The following WFIKKN2 variants were observed in gnomAD, a reference collection of about 807,000 sequenced individuals.
WFIKKN2 encodes the protein WAP, Kazal, immunoglobulin, Kunitz and NTR domain-containing protein 2.
Under a neutral mutation model 39.2 loss-of-function variants are expected in WFIKKN2, and 25 were observed. That is an observed-to-expected ratio of 0.64 (90% confidence interval 0.47 to 0.89). The LOEUF (loss-of-function observed/expected upper bound fraction) is 0.89, where lower values mean the gene tolerates loss of function less well. WFIKKN2 is among the 40% of genes least tolerant of loss of function. The probability of loss-of-function intolerance (pLI) is 0.00; values close to 1 mark genes in which losing one functional copy is unlikely to be tolerated. For synonymous variants in WFIKKN2, 345 were observed against 329.7 expected (o/e 1.05, Z -0.50); for missense variants, 770 against 811.7 (o/e 0.95, Z 0.62).
At position 50,839,871 on chromosome 17, in the gene WFIKKN2, C is replaced by G. The variant is rs2143296904; in HGVS notation, c.583C>G (p.Pro195Ala). 1.2e-6 allele frequency: 2 copies of G among 1,614,170 alleles called. No homozygotes were observed. The highest frequency in any genetic ancestry group is 2.2e-5 in the East Asian group (1 of 44,870). The part of the protein sequence containing the change: ...SPPPPETTMH[P>A]TTASPETPEL... ...CCCACCACCTGAGACCACCATGCACCCCACCACAGCCTCCCCAGAGACCCC... is the reference window on the plus strand; with the variant it reads ...CCCACCACCTGAGACCACCATGCACGCCACCACAGCCTCCCCAGAGACCCC... The change falls in exon 2 of 2, where the codon CCC becomes GCC. Residue 195 changes from proline to alanine, a missense_variant. Transcript: ENST00000311378.
Position 50,839,847 on chromosome 17 carries a change from C to T in WFIKKN2, c.559C>T (p.Pro187Ser). Residue 187 changes from proline (P) to serine (S), a missense_variant, in exon 2 of 2, where the codon CCA becomes TCA. By Grantham distance (74) the Pro-to-Ser change is moderately conservative. Coordinates refer to ENST00000311378, the MANE Select transcript of WFIKKN2 (RefSeq NM_175575.6). ...YHFTWPNTSP[P>S]PPETTMHPTT... ...CTTCACCTGGCCCAACACCAGCCCC[C>T]CACCACCTGAGACCACCATGCACCC... 1 of 1,614,198 alleles carries T rather than the reference C, an allele frequency of 6.2e-7. No individual in the cohort carries two copies. The highest frequency in any genetic ancestry group is 8.5e-7 in the Non-Finnish European group (1 of 1,180,028).
intron 1 of WFIKKN2, among the ~76,000 whole-genome samples, chr17:50,836,553 C>T (rs7215311): frequency 0.56 from 41,296 of 74,314 alleles, 11,326 homozygotes; most frequent in South Asian, 0.64. Context: ...GAGTGTGAGG[C>T]GGACCAGGTG....
rs1041760944 is a variant in WFIKKN2 at position 50,839,945 on chromosome 17, G to T, written c.657G>T (p.Gln219His). The T allele has an allele frequency of 1.2e-6, 2 of 1,614,154 alleles. No individual in the cohort carries two copies. Among genetic ancestry groups the T allele is most frequent in the Admixed American group, 3.3e-5 (2 of 60,020 alleles). Residue 219 changes from glutamine (Q) to histidine (H), a missense_variant, in exon 2 of 2, where the codon CAG (glutamine) becomes CAT (histidine). Coordinates refer to ENST00000311378, the MANE Select transcript of WFIKKN2 (RefSeq NM_175575.6). ...CGCTGCTCAACAACCCTGTGCACCAGTCGGTCACCATGGGTGAGACAGTGA... is the reference window on the plus strand; with the variant it reads ...CGCTGCTCAACAACCCTGTGCACCATTCGGTCACCATGGGTGAGACAGTGA... ...APALLNNPVH[Q>H]SVTMGETVSF...
At position 50,840,006 on chromosome 17, in the gene WFIKKN2, G is replaced by A. The variant is rs1218772738; in HGVS notation, c.718G>A (p.Glu240Lys). The A allele has an allele frequency of 6.2e-7, 1 of 1,614,250 alleles. No homozygotes were observed. Among genetic ancestry groups the A allele is most frequent in the Admixed American group, 1.7e-5 (1 of 60,030 alleles). The change falls in exon 2 of 2, where the codon GAG (glutamate) becomes AAG (lysine). Residue 240 changes from glutamate (E) to lysine (K), a missense_variant. Physicochemically the swap from Glu to Lys is moderately conservative, Grantham distance 56. Transcript: ENST00000311378. ...TGATGTGGTGGGCCGGCCCCGGCCTGAGATCACCTGGGAGAAGCAGTTGGA... is the reference window on the plus strand; with the variant it reads ...TGATGTGGTGGGCCGGCCCCGGCCTAAGATCACCTGGGAGAAGCAGTTGGA... ...LCDVVGRPRP[E>K]ITWEKQLEDR...
chr17:50,840,826 G>C lies in WFIKKN2; in HGVS notation c.1538G>C (p.Trp513Ser). The change falls in exon 2 of 2, where the codon TGG (tryptophan) becomes TCG (serine). Residue 513 changes from tryptophan (W) to serine (S), a missense_variant. Coordinates refer to ENST00000311378, the MANE Select transcript of WFIKKN2 (RefSeq NM_175575.6). ...GAGGTCACTCTGCTTCACGTGGACT[G>C]GGCATGCCCCTGCCCCAACGTGACC... The part of the protein sequence containing the change: ...PLEVTLLHVD[W>S]ACPCPNVTVS... 6.2e-7 allele frequency: 1 copy of C among 1,613,820 alleles called. No individual in the cohort carries two copies. Among genetic ancestry groups the C allele is most frequent in the Non-Finnish European group, 8.5e-7 (1 of 1,179,796 alleles).
At chr17:50,839,475 G>C (rs534284826) in intron 1 of WFIKKN2, 24 bp from the exon 2 acceptor site, 1 of 1,594,434 alleles carries the variant, frequency 6.3e-7, no homozygotes, top group South Asian at 1.1e-5. Context: ...TCCCTGTTCA[G>C]GCCACTCTCT....
At chr17:50,839,420 C>T in intron 1 of WFIKKN2, 79 bp from the exon 2 acceptor site, 1 of 1,412,126 alleles carries the variant, frequency 7.1e-7, no homozygotes, top group South Asian at 1.4e-5. Flanking sequence ...GTTCTCCTCC[C>T]CACAAACCAT....
rs1373020421 is a variant in WFIKKN2 at position 50,841,482 on chromosome 17, GCCT to G, written c.*468_*470del. On this transcript the variant is annotated 3_prime_UTR_variant, in exon 2 of 2. Transcript: ENST00000311378. Reference sequence around the variant, plus strand: ...GGACTCATGGGACACCTTTCCCACAGCCTCCTCGATTGCTGTGAGCAGAGGCCA... The same window carrying G: ...GGACTCATGGGACACCTTTCCCACAGCCTCGATTGCTGTGAGCAGAGGCCA... The G allele has an allele frequency of 1.3e-5, 2 of 155,544 alleles. No homozygotes were observed. The highest frequency in any genetic ancestry group is 2.8e-5 in the Non-Finnish European group (2 of 70,358). 9.6% of individuals were successfully genotyped at this position (155,544 alleles called of 1,614,324 possible). A position where few individuals can be genotyped will look rare whatever the true frequency, so the allele number is the denominator to read the frequency against.
In WFIKKN2 at chr17:50,836,118, A is replaced by C. The variant is rs1003648874; in HGVS notation, c.181A>C (p.Thr61Pro). 3 of 1,613,136 alleles carry C rather than the reference A, an allele frequency of 1.9e-6. No homozygotes were observed. The Admixed American group carries it at 5.0e-5, about 27-fold the overall frequency. ...CAACCTCTGGGTGGACGCACAGAGCACCTGCAGGCGGGAGTGTGAGACGGA... is the reference window on the plus strand; with the variant it reads ...CAACCTCTGGGTGGACGCACAGAGCCCCTGCAGGCGGGAGTGTGAGACGGA... ...NPNLWVDAQS[T>P]CRRECETDQE... Residue 61 changes from threonine (T) to proline (P), a missense_variant, in exon 1 of 2, where the codon ACC (threonine) becomes CCC (proline). Physicochemically the swap from Thr to Pro is conservative, Grantham distance 38 (BLOSUM62 -1). Coordinates refer to ENST00000311378, the MANE Select transcript of WFIKKN2 (RefSeq NM_175575.6).
chr17:50,836,280 C>A, intron 1 of WFIKKN2, 133 bp downstream of exon 1: 12 of 1,070,486 alleles, frequency 1.1e-5, no homozygotes, highest in Non-Finnish European at 1.6e-5. Context: ...CAGTGTGAGG[C>A]GGACCAGGTG....
rs1426250440 is a variant in WFIKKN2 at position 50,836,075 on chromosome 17, C to T, written c.138C>T (p.Cys46=). ...TCCGCTATTCCCACGCCGGCATCTG[C>T]CCCAACGACATGAATCCCAACCTCT... ...PPIRYSHAGI[C]PNDMNPNLWV... The change falls in exon 1 of 2, where the codon TGC becomes TGT. Residue 46 remains cysteine, a synonymous_variant. Coordinates refer to ENST00000311378, the MANE Select transcript of WFIKKN2 (RefSeq NM_175575.6). 7.5e-6 allele frequency: 12 copies of T among 1,610,532 alleles called. No individual in the cohort carries two copies. The highest frequency in any genetic ancestry group is 1.7e-4 in the Middle Eastern group (1 of 6,058).
chr17:50,838,882 T>A (rs978645548), intron 1 of WFIKKN2, among the ~76,000 whole-genome samples: 16 of 152,022 alleles, frequency 1.1e-4, no homozygotes, highest in African/African-American at 3.9e-4. Context: ...TCGGATAAAG[T>A]CCCAGGGGCA....
At chr17:50,838,674 T>C (rs568529866) in intron 1 of WFIKKN2, among the ~76,000 whole-genome samples, 17 of 152,352 alleles carry the variant, frequency 1.1e-4, no homozygotes, top group East Asian at 3.9e-4. Context: ...GGGGACTTTT[T>C]TTCTTGTTGC....
At chr17:50,838,872 T>G (rs967294365) in intron 1 of WFIKKN2, among the ~76,000 whole-genome samples, 1 of 152,042 alleles carries the variant, frequency 6.6e-6, no homozygotes, top group Non-Finnish European at 1.5e-5. Flanking sequence ...GTGGATCATC[T>G]CGGATAAAGT....
Position 50,839,943 on chromosome 17 carries a change from C to T in WFIKKN2, c.655C>T (p.Gln219Ter), listed in dbSNP as rs1375294498. 1.2e-6 allele frequency: 2 copies of T among 1,614,158 alleles called. No homozygotes were observed. Among genetic ancestry groups the T allele is most frequent in the Non-Finnish European group, 1.7e-6 (2 of 1,179,996 alleles). Residue 219 changes from glutamine to a stop codon, truncating the protein, a stop_gained, in exon 2 of 2, where the codon CAG becomes TAG. Transcript: ENST00000311378. LOFTEE classifies it high-confidence loss of function. Reference sequence around the variant, plus strand: ...TGCGCTGCTCAACAACCCTGTGCACCAGTCGGTCACCATGGGTGAGACAGT... The same window carrying T: ...TGCGCTGCTCAACAACCCTGTGCACTAGTCGGTCACCATGGGTGAGACAGT... ...APALLNNPVH[Q>*]SVTMGETVSF...
chr17:50,841,001 G>A lies in WFIKKN2; in HGVS notation c.1713G>A (p.Glu571=), dbSNP rs1972038217. The stretch of plus-strand genomic sequence containing the variant: ...AGAAGACCTGTGACGTCCTCAAGGA[G>A]TTTCTTGGCTTGCACTGAAGCCCCC... ...MHKKTCDVLK[E]FLGLH is the part of the protein sequence containing the mutation. Residue 571 remains glutamate, a synonymous_variant, in exon 2 of 2, where the codon GAG becomes GAA. Transcript: ENST00000311378. The A allele has an allele frequency of 2.6e-6, 4 of 1,538,282 alleles. No homozygotes were observed. In the African/African-American group the frequency reaches 4.1e-5, roughly 16 times the overall value.
In WFIKKN2 at chr17:50,842,102, T is replaced by G. The variant is rs901615924; in HGVS notation, c.*1083T>G. ...CTGGAAGGAGGCTCTTTGTGAGACC[T>G]GGGCAAAGGATGGGGCAGCTCGTCG... On this transcript the variant is annotated 3_prime_UTR_variant, in exon 2 of 2. Coordinates refer to ENST00000311378, the MANE Select transcript of WFIKKN2 (RefSeq NM_175575.6). 5.3e-5 allele frequency: 8 copies of G among 152,118 alleles called. No homozygotes were observed. The highest frequency in any genetic ancestry group is 1.2e-4 in the Non-Finnish European group (8 of 68,054). 9.4% of individuals were successfully genotyped at this position (152,118 alleles called of 1,614,324 possible). A position where few individuals can be genotyped will look rare whatever the true frequency, so the allele number is the denominator to read the frequency against.
At position 50,835,742 on chromosome 17, in the gene WFIKKN2, C is replaced by CTGAA; in HGVS notation, c.-195_-192dup. ...TTCCTTCTAAAGACCTTTCTTTTAT[C>CTGAA]TGAAGCCGCACAGCCCGGCAGGCTG... On this transcript the variant is annotated 5_prime_UTR_variant, in exon 1 of 2. It adds an upstream start codon to the 5' untranslated region. Transcript: ENST00000311378. 2 of 611,952 alleles carry CTGAA rather than the reference C, an allele frequency of 3.3e-6. No individual in the cohort carries two copies. The highest frequency in any genetic ancestry group is 5.7e-5 in the East Asian group (2 of 35,370). 37.9% of individuals were successfully genotyped at this position (611,952 alleles called of 1,614,324 possible).
In WFIKKN2 at chr17:50,840,472, G is replaced by A. The variant is rs1263667451; in HGVS notation, c.1184G>A (p.Cys395Tyr). 1.2e-6 allele frequency: 2 copies of A among 1,613,864 alleles called. No homozygotes were observed. Among genetic ancestry groups the A allele is most frequent in the African/African-American group, 2.7e-5 (2 of 75,074 alleles). The change falls in exon 2 of 2, where the codon TGC becomes TAC. Residue 395 changes from cysteine (C) to tyrosine (Y), a missense_variant. Transcript: ENST00000311378. ...AGCCTGCCCGCCCTGCAGGGGCCCT[G>A]CAAAGCCTACGCGCCTCGCTGGGCT... ...ACSLPALQGP[C>Y]KAYAPRWAYN...
Sources: gnomAD v4.1 joint callset for allele counts (sites outside exome capture counted in the v4.1 genomes callset) on GRCh38, gnomAD v4.1.1 for gene constraint, MANE v1.5 for transcripts, NCBI Gene and HGNC (gene_info 2026-07-23, HGNC 2026-07-21) for gene names.